ELAVL4: variants seen among roughly 807,000 people sequenced by gnomAD.
The protein encoded by ELAVL4 is ELAV like RNA binding protein 4.
ELAVL4 carries 1 observed loss-of-function variant against 35.6 expected under a neutral mutation model. The ratio of observed to expected loss-of-function variants is 0.03; its 90% CI spans 0.01 to 0.13. The LOEUF (loss-of-function observed/expected upper bound fraction) is 0.13, where lower values mean the gene tolerates loss of function less well. Ranked by LOEUF, ELAVL4 falls within the 10% of genes least tolerant of loss-of-function variation. The pLI is 1.00. For missense variants in ELAVL4, 267 were observed against 464.9 expected, an observed-to-expected ratio of 0.57 and a Z score of 3.91; for synonymous variants, 156 against 171.0, an observed-to-expected ratio of 0.91 and a Z score of 0.69.
intron 1 of ELAVL4, chr1:50,109,738 G>T: frequency 1.6e-6 from 1 of 613,896 alleles, no homozygotes; most frequent in Non-Finnish European, 2.9e-6. Context: ...TTCAGTAAAT[G>T]CTGCATCTTG....
At chr1:50,148,922 A>G (rs1674226590) in intron 2 of ELAVL4, among the ~76,000 whole-genome samples, 1 of 152,198 alleles carries the variant, frequency 6.6e-6, no homozygotes, top group Non-Finnish European at 1.5e-5. Context: ...CTATGTGATC[A>G]GTATTTTAGG....
intron 1 of ELAVL4, chr1:50,048,203 GC>G (rs1168973555): frequency 6.6e-7 from 1 of 1,510,626 alleles, no homozygotes; most frequent in Non-Finnish European, 8.8e-7. Flanking sequence ...CTCGGCGCAG[GC>G]CCCGCACCCC....
intron 1 of ELAVL4, among the ~76,000 whole-genome samples, chr1:50,115,980 A>G (rs1354411393): frequency 6.6e-6 from 1 of 152,170 alleles, no homozygotes; most frequent in Admixed American, 6.5e-5. Context: ...TGTGTCAAAT[A>G]GTAAGAAAAG....
intron 1 of ELAVL4, among the ~76,000 whole-genome samples, chr1:50,051,059 C>A (rs1663348403): frequency 6.6e-6 from 1 of 151,788 alleles, no homozygotes; most frequent in Non-Finnish European, 1.5e-5. Context: ...TAGAAACAAG[C>A]CAAAAATTAT....
intron 2 of ELAVL4, among the ~76,000 whole-genome samples, chr1:50,151,888 C>T (rs1674853052): frequency 6.6e-6 from 1 of 152,148 alleles, no homozygotes; most frequent in African/African-American, 2.4e-5. Context: ...GAAGATTTGG[C>T]AGCCTAATGG....
At chr1:50,082,908 A>G (rs901628573) in intron 1 of ELAVL4, among the ~76,000 whole-genome samples, 5 of 152,204 alleles carry the variant, frequency 3.3e-5, no homozygotes, top group Middle Eastern at 3.4e-3. Flanking sequence ...TTACAAACCA[A>G]CCTTCATTGT....
Position 50,191,677 on chromosome 1 carries a change from TGGGGAG to T in ELAVL4, c.355-2087_355-2082del, listed in dbSNP as rs951969713. The stretch of plus-strand genomic sequence containing the variant: ...TACCATGGTTCATTGAGAACACTGC[TGGGGAG>T]ATTTTTAGGAGAAGGTGAGATTAGA... On this transcript the variant is annotated intron_variant, in intron 3 of 6. Coordinates refer to ENST00000371824, the MANE Select transcript of ELAVL4 (RefSeq NM_001144774.3). 4.9e-4 allele frequency among the ~76,000 whole-genome samples: 75 copies of T among 152,210 alleles called. 1 individual carries two copies. The highest frequency in any genetic ancestry group is 1.5e-3 in the South Asian group (7 of 4,824).
intron 1 of ELAVL4, among the ~76,000 whole-genome samples, chr1:50,121,247 T>C (rs1668981565): frequency 1.3e-5 from 2 of 152,056 alleles, no homozygotes; most frequent in Non-Finnish European, 2.9e-5. Context: ...AGTCTCTTAA[T>C]ATGTAAAACA....
intron 1 of ELAVL4, among the ~76,000 whole-genome samples, chr1:50,091,946 T>C (rs1384728012): frequency 6.6e-6 from 1 of 152,104 alleles, no homozygotes; most frequent in East Asian, 1.9e-4. Context: ...ACTTCCAAAC[T>C]CTTTCGCCTA....
chr1:50,126,960 C>T (rs939120690), intron 1 of ELAVL4, among the ~76,000 whole-genome samples: 3 of 151,998 alleles, frequency 2.0e-5, no homozygotes, highest in South Asian at 2.1e-4. Flanking sequence ...TTATTTGACC[C>T]CCTTGATCAC....
intron 1 of ELAVL4, among the ~76,000 whole-genome samples, chr1:50,067,871 A>T (rs1369975372): frequency 6.6e-6 from 1 of 152,166 alleles, no homozygotes; most frequent in African/African-American, 2.4e-5. Context: ...AAGAAGTGCC[A>T]AGCAAAAGGT....
At chr1:50,189,662 A>G (rs963391328) in intron 3 of ELAVL4, among the ~76,000 whole-genome samples, 9 of 152,104 alleles carry the variant, frequency 5.9e-5, no homozygotes, top group Non-Finnish European at 4.4e-5. Flanking sequence ...GTATGTCCCA[A>G]TGGGAGCTAG....
chr1:50,107,855 G>A (rs1435844959), upstream of ELAVL4, among the ~76,000 whole-genome samples: 1 of 152,118 alleles, frequency 6.6e-6, no homozygotes. Context: ...GTAGTGTAGA[G>A]GTTGTTAAAT....
In ELAVL4 at chr1:50,192,515, G is replaced by GCACA. The variant is rs1220189674; in HGVS notation, c.355-1247_355-1246insACAC. Reference sequence around the variant, plus strand: ...TCCTTTTGCACACATGCTTTTGTGTGCACGCACACACACACACACACACAC... The same window carrying GCACA: ...TCCTTTTGCACACATGCTTTTGTGTGCACACACGCACACACACACACACACACAC... On this transcript the variant is annotated intron_variant, in intron 3 of 6. Coordinates refer to ENST00000371824, the MANE Select transcript of ELAVL4 (RefSeq NM_001144774.3). 2.2e-3 allele frequency among the ~76,000 whole-genome samples: 178 copies of GCACA among 80,344 alleles called. 1 individual carries two copies. The highest frequency in any genetic ancestry group is 0.011 in the Admixed American group (74 of 6,976). 52.7% of individuals were successfully genotyped at this position (80,344 alleles called of 152,430 possible). A position where few individuals can be genotyped will look rare whatever the true frequency, so the allele number is the denominator to read the frequency against.
intron 1 of ELAVL4, among the ~76,000 whole-genome samples, chr1:50,129,965 A>G (rs1453674681): frequency 6.6e-6 from 1 of 152,110 alleles, no homozygotes; most frequent in African/African-American, 2.4e-5. Context: ...AATTGTTCAC[A>G]TTTTTCAAAT....
intron 2 of ELAVL4, among the ~76,000 whole-genome samples, chr1:50,173,629 A>G (rs1352701912): frequency 6.6e-6 from 1 of 152,152 alleles, no homozygotes; most frequent in African/African-American, 2.4e-5. Flanking sequence ...GGCAGTCTTA[A>G]TTTCATATCT....
chr1:50,107,652 T>A (rs927079605), upstream of ELAVL4, among the ~76,000 whole-genome samples: 1 of 152,210 alleles, frequency 6.6e-6, no homozygotes, highest in Non-Finnish European at 1.5e-5. Context: ...AGTCAAAGAT[T>A]AAAGATTACA....
At chr1:50,166,166 C>A (rs1009822915) in intron 2 of ELAVL4, among the ~76,000 whole-genome samples, 9 of 152,082 alleles carry the variant, frequency 5.9e-5, no homozygotes, top group African/African-American at 1.9e-4. Context: ...TACTTTGTAG[C>A]CTTCAATCCA....
intron 1 of ELAVL4, among the ~76,000 whole-genome samples, chr1:50,119,036 A>AAAAGAAAGAAAGAAAGAAAG (rs531184149): frequency 2.6e-4 from 33 of 127,254 alleles, no homozygotes; most frequent in East Asian, 7.2e-4. Context: ...GAAAGAAAGA[A>AAAAGAAAGAAAGAAAGAAAG]AAAGAAAGAA....
Sources: allele counts gnomAD v4.1 joint callset (sites outside exome capture counted in the v4.1 genomes callset), GRCh38; gene constraint gnomAD v4.1.1; transcripts MANE v1.5; gene names NCBI Gene and HGNC (gene_info 2026-07-23, HGNC 2026-07-21).